Variants in SVIP observed in about 807,000 individuals in gnomAD.
The protein encoded by SVIP is small VCP interacting protein.
In SVIP, 14 loss-of-function variants were observed where a neutral mutation model predicts 12.9. The ratio of observed to expected loss-of-function variants is 1.08; its 90% CI spans 0.72 to 1.70. SVIP has a LOEUF of 1.70. Among genes scored for constraint, SVIP ranks in the 40% most tolerant of loss-of-function variants. The pLI is 0.00. For synonymous variants in SVIP, 35 were observed against 33.3 expected, an observed-to-expected ratio of 1.05 and a Z score of -0.17; for missense variants, 93 against 90.8, an observed-to-expected ratio of 1.02 and a Z score of -0.10.
Position 22,820,547 on chromosome 11 carries a change from T to G in SVIP, c.*2572A>C, listed in dbSNP as rs1857441362. The G allele has an allele frequency of 6.6e-6, 1 of 152,158 alleles. No individual in the cohort carries two copies. Among genetic ancestry groups the G allele is most frequent in the Non-Finnish European group, 1.5e-5 (1 of 68,020 alleles). The allele number at this position is 152,158 out of a possible 1,614,324, so 9.4% of individuals were successfully genotyped here. On this transcript the variant is annotated 3_prime_UTR_variant, in exon 4 of 4. Coordinates refer to ENST00000354193, the MANE Select transcript of SVIP (RefSeq NM_148893.3). ...AGGTTTCCCTAACCACCAACTCAGGTTCTAAGTATTTAGGATGTAGTAAAG... is the reference window on the plus strand; with the variant it reads ...AGGTTTCCCTAACCACCAACTCAGGGTCTAAGTATTTAGGATGTAGTAAAG...
Position 22,829,707 on chromosome 11 carries a change from G to C in SVIP, c.42C>G (p.Pro14=). 6.2e-7 allele frequency: 1 copy of C among 1,605,158 alleles called. No homozygotes were observed. The highest frequency in any genetic ancestry group is 1.1e-5 in the South Asian group (1 of 89,280). The part of the protein sequence containing the change: ...CFPCPGESAP[P]TPDLEEKRAK... ...CTGCTCTACTCACCAGGTCCGGCGTGGGAGGCGCGGACTCCCCGGGACAAG... is the reference window on the plus strand; with the variant it reads ...CTGCTCTACTCACCAGGTCCGGCGTCGGAGGCGCGGACTCCCCGGGACAAG... The change falls in exon 1 of 4, where the codon CCC becomes CCG. Residue 14 remains proline, a synonymous_variant. Coordinates refer to ENST00000354193, the MANE Select transcript of SVIP (RefSeq NM_148893.3).
chr11:22,821,149 T>A lies in SVIP; in HGVS notation c.*1970A>T, dbSNP rs1362598601. 6.8e-6 allele frequency: 1 copy of A among 147,918 alleles called. No homozygotes were observed. The highest frequency in any genetic ancestry group is 1.5e-5 in the Non-Finnish European group (1 of 67,206). 9.2% of individuals were successfully genotyped at this position (147,918 alleles called of 1,614,324 possible). A position where few individuals can be genotyped will look rare whatever the true frequency, so the allele number is the denominator to read the frequency against. ...ATAATATATATATTATATATATATA[T>A]AATTTTTTAGTCATGTTTTTAGTCA... On this transcript the variant is annotated 3_prime_UTR_variant, in exon 4 of 4. Transcript: ENST00000354193.
intron 3 of SVIP, among the ~76,000 whole-genome samples, chr11:22,826,140 A>C (rs936394910): frequency 6.6e-6 from 1 of 152,214 alleles, no homozygotes; most frequent in Non-Finnish European, 1.5e-5. Flanking sequence ...CTAAAAGTTC[A>C]CCATAAAAAA....
At chr11:22,829,317 T>G in intron 1 of SVIP, 1 of 198,208 alleles carries the variant, frequency 5.0e-6, no homozygotes, top group Non-Finnish European at 1.0e-5. Context: ...ACTAAAGAGC[T>G]CCCGGAGAAA....
chr11:22,822,544 AAAAT>A lies in SVIP; in HGVS notation c.*571_*574del, dbSNP rs1857523054. On this transcript the variant is annotated 3_prime_UTR_variant, in exon 4 of 4. Transcript: ENST00000354193. ...GTTAATTTTATAAGCTACATAAATA[AAAAT>A]AAATTGGAAAAAATTTTACATCTGC... 1 of 152,158 alleles carries A rather than the reference AAAAT, an allele frequency of 6.6e-6. No homozygotes were observed. Among genetic ancestry groups the A allele is most frequent in the Non-Finnish European group, 1.5e-5 (1 of 67,994 alleles). 9.4% of individuals were successfully genotyped at this position (152,158 alleles called of 1,614,324 possible).
In SVIP at chr11:22,821,385, G is replaced by A. The variant is rs1453428845; in HGVS notation, c.*1734C>T. On this transcript the variant is annotated 3_prime_UTR_variant, in exon 4 of 4. Coordinates refer to ENST00000354193, the MANE Select transcript of SVIP (RefSeq NM_148893.3). ...ACTTTTCACGAAAAGTAATAGATCT[G>A]AATATCATTCATGGTTAACAATAGA... is the stretch of plus-strand genomic sequence containing the variant. The A allele has an allele frequency of 1.3e-5, 2 of 151,816 alleles. No individual in the cohort carries two copies. The highest frequency in any genetic ancestry group is 2.9e-5 in the Non-Finnish European group (2 of 67,986). 9.4% of individuals were successfully genotyped at this position (151,816 alleles called of 1,614,324 possible).
intron 1 of SVIP, among the ~76,000 whole-genome samples, chr11:22,828,864 A>G (rs1857829749): frequency 6.6e-6 from 1 of 152,194 alleles, no homozygotes; most frequent in Non-Finnish European, 1.5e-5. Context: ...ATTTTTAGCT[A>G]GAGAAGAGAA....
rs566992811 is a variant in SVIP at position 22,819,569 on chromosome 11, T to A, written c.*3550A>T. The A allele has an allele frequency of 6.6e-6, 1 of 152,402 alleles. No individual in the cohort carries two copies. The highest frequency in any genetic ancestry group is 1.9e-4 in the East Asian group (1 of 5,178). The allele number at this position is 152,402 out of a possible 1,614,324, so 9.4% of individuals were successfully genotyped here. A position where few individuals can be genotyped will look rare whatever the true frequency, so the allele number is the denominator to read the frequency against. On this transcript the variant is annotated 3_prime_UTR_variant, in exon 4 of 4. Coordinates refer to ENST00000354193, the MANE Select transcript of SVIP (RefSeq NM_148893.3). ...GCAGGGATCACCTGAGGTCAGGAGT[T>A]CGAGACCAGCCTGACCAACGTGGAG...
At chr11:22,827,110 T>A (rs1857738760) in intron 3 of SVIP, 97 bp downstream of exon 3, 1 of 925,074 alleles carries the variant, frequency 1.1e-6, no homozygotes, top group African/African-American at 1.7e-5. Context: ...CAAAATTTTC[T>A]GATAATACAT....
In SVIP at chr11:22,819,013, T is replaced by C. The variant is rs575851566; in HGVS notation, c.*4106A>G. ...TTCCTAAATATTTTATTTGTTGATA[T>C]TGTAATTTAAATTTTCCCACTTTCA... On this transcript the variant is annotated 3_prime_UTR_variant, in exon 4 of 4. Transcript: ENST00000354193. 28 of 152,380 alleles carry C rather than the reference T, an allele frequency of 1.8e-4. No homozygotes were observed. The East Asian group carries it at 5.2e-3, about 28-fold the overall frequency. The allele number at this position is 152,380 out of a possible 1,614,324, so 9.4% of individuals were successfully genotyped here.
rs930697143 is a variant in SVIP at position 22,826,201 on chromosome 11, T to C, written c.219+1006A>G. On this transcript the variant is annotated intron_variant, in intron 3 of 3. Coordinates refer to ENST00000354193, the MANE Select transcript of SVIP (RefSeq NM_148893.3). ...TGATATAAGATGAAGTAACGTACAA[T>C]AGTAAAATACACAGACACACATTCT... Among the ~76,000 whole-genome samples the C allele has an allele frequency of 5.9e-5, 9 of 152,240 alleles. No individual in the cohort carries two copies. In the East Asian group the frequency reaches 1.5e-3, roughly 26 times the overall value.
intron 3 of SVIP, 32 bp downstream of exon 3, chr11:22,827,170 CAGTTA>C (rs1299143610): frequency 6.7e-7 from 1 of 1,484,086 alleles, no homozygotes; most frequent in Non-Finnish European, 9.4e-7. Context: ...TTTAAAATGC[CAGTTA>C]AGTTAATCAC....
At position 22,819,470 on chromosome 11, in the gene SVIP, T is replaced by G. The variant is rs771838517; in HGVS notation, c.*3649A>C. 3 of 152,196 alleles carry G rather than the reference T, an allele frequency of 2.0e-5. No individual in the cohort carries two copies. The highest frequency in any genetic ancestry group is 4.8e-5 in the African/African-American group (2 of 41,434). The allele number at this position is 152,196 out of a possible 1,614,324, so 9.4% of individuals were successfully genotyped here. ...CTCAAAACTCAACACAAATTTGGTA[T>G]TATAAATATAGCCAATGCAGGCCGG... On this transcript the variant is annotated 3_prime_UTR_variant, in exon 4 of 4. Transcript: ENST00000354193.
rs1007932458 is a variant in SVIP at position 22,821,125 on chromosome 11, T to G, written c.*1994A>C. On this transcript the variant is annotated 3_prime_UTR_variant, in exon 4 of 4. Coordinates refer to ENST00000354193, the MANE Select transcript of SVIP (RefSeq NM_148893.3). ...ATGTGTATATATATACACACATATATAATATATATATTATATATATATATA... is the reference window on the plus strand; with the variant it reads ...ATGTGTATATATATACACACATATAGAATATATATATTATATATATATATA... 1 of 147,442 alleles carries G rather than the reference T, an allele frequency of 6.8e-6. No individual in the cohort carries two copies. Among genetic ancestry groups the G allele is most frequent in the South Asian group, 2.1e-4 (1 of 4,780 alleles). 9.1% of individuals were successfully genotyped at this position (147,442 alleles called of 1,614,324 possible).
chr11:22,825,608 GT>G (rs1235952167), intron 3 of SVIP, among the ~76,000 whole-genome samples: 5 of 152,030 alleles, frequency 3.3e-5, no homozygotes, highest in Non-Finnish European at 5.9e-5. Flanking sequence ...CTTTGGGTAT[GT>G]TTTACATTTT....
In SVIP at chr11:22,819,385, TAA is replaced by T. The variant is rs1343490696; in HGVS notation, c.*3732_*3733del. 1 of 152,210 alleles carries T rather than the reference TAA, an allele frequency of 6.6e-6. No individual in the cohort carries two copies. The highest frequency in any genetic ancestry group is 1.9e-4 in the East Asian group (1 of 5,192). The allele number at this position is 152,210 out of a possible 1,614,324, so 9.4% of individuals were successfully genotyped here. On this transcript the variant is annotated 3_prime_UTR_variant, in exon 4 of 4. Coordinates refer to ENST00000354193, the MANE Select transcript of SVIP (RefSeq NM_148893.3). ...CAAAACTAATTAGTTCCACTTGAGA[TAA>T]GTTAGAGGTACTTGCAAAGAATGGA...
rs369841121 is a variant in SVIP at position 22,820,586 on chromosome 11, A to G, written c.*2533T>C. 1.7e-4 allele frequency: 26 copies of G among 152,316 alleles called. No individual in the cohort carries two copies. The highest frequency in any genetic ancestry group is 6.0e-4 in the African/African-American group (25 of 41,570). The allele number at this position is 152,316 out of a possible 1,614,324, so 9.4% of individuals were successfully genotyped here. A position where few individuals can be genotyped will look rare whatever the true frequency, so the allele number is the denominator to read the frequency against. ...GATGTAGTAAAGATAAAATTTTGTT[A>G]AAGAGACAGCTAAAGCTAATTTTTA... On this transcript the variant is annotated 3_prime_UTR_variant, in exon 4 of 4. Coordinates refer to ENST00000354193, the MANE Select transcript of SVIP (RefSeq NM_148893.3).
Position 22,821,129 on chromosome 11 carries a change from ATATAT to A in SVIP, c.*1985_*1989del, listed in dbSNP as rs1449166771. The A allele has an allele frequency of 6.9e-6, 1 of 145,132 alleles. No homozygotes were observed. The highest frequency in any genetic ancestry group is 1.5e-5 in the Non-Finnish European group (1 of 67,054). 9.0% of individuals were successfully genotyped at this position (145,132 alleles called of 1,614,324 possible). ...GTATATATATACACACATATATAAT[ATATAT>A]ATTATATATATATATAATTTTTTAG... is the stretch of plus-strand genomic sequence containing the variant. On this transcript the variant is annotated 3_prime_UTR_variant, in exon 4 of 4. Coordinates refer to ENST00000354193, the MANE Select transcript of SVIP (RefSeq NM_148893.3).
rs981049780 is a variant in SVIP at position 22,829,768 on chromosome 11, C to T, written c.-20G>A. Reference sequence around the variant, plus strand: ...CCCCATAGGGACGACAGCTTGAGAACCCTGACCGGGTCCGGCCCAGGCCAG... The same window carrying T: ...CCCCATAGGGACGACAGCTTGAGAATCCTGACCGGGTCCGGCCCAGGCCAG... On this transcript the variant is annotated 5_prime_UTR_variant, in exon 1 of 4. Coordinates refer to ENST00000354193, the MANE Select transcript of SVIP (RefSeq NM_148893.3). 2.5e-6 allele frequency: 4 copies of T among 1,599,180 alleles called. No homozygotes were observed. The highest frequency in any genetic ancestry group is 1.1e-5 in the South Asian group (1 of 88,690).
Sources: allele counts gnomAD v4.1 joint callset (sites outside exome capture counted in the v4.1 genomes callset), GRCh38; gene constraint gnomAD v4.1.1; transcripts MANE v1.5; gene names NCBI Gene and HGNC (gene_info 2026-07-23, HGNC 2026-07-21).